Variants in NRP1 observed in about 807,000 individuals in gnomAD.
NRP1 encodes the protein neuropilin 1, also known as neuropilin-1.
A neutral mutation model predicts 106.7 loss-of-function variants in NRP1; 35 were observed. That is an observed-to-expected ratio of 0.33 (90% CI 0.25 to 0.43). The LOEUF is 0.43. Among genes scored for constraint, NRP1 ranks in the 20% least tolerant of loss-of-function variants. NRP1 has a pLI of 1.00. For synonymous variants in NRP1, 437 were observed against 417.9 expected (o/e 1.05, Z -0.56); for missense variants, 1,024 against 1,170.4 (o/e 0.87, Z 1.83).
chr10:33,197,453 T>C (rs1836865172), intron 12 of NRP1, among the ~76,000 whole-genome samples, 197 bp downstream of exon 12: 1 of 152,212 alleles, frequency 6.6e-6, no homozygotes, highest in African/African-American at 2.4e-5. Context: ...CAATTACTGA[T>C]GGAGAAGGAA....
intron 2 of NRP1, among the ~76,000 whole-genome samples, chr10:33,320,594 C>G (rs776930789): frequency 4.6e-5 from 7 of 152,316 alleles, no homozygotes; most frequent in Middle Eastern, 3.4e-3. Context: ...CCCTTTCACT[C>G]TCTCTTTGCT....
At position 33,202,800 on chromosome 10, in the gene NRP1, G is replaced by C. The variant is rs372425396; in HGVS notation, c.1864+91C>G. On this transcript the variant is annotated intron_variant, in intron 11 of 16. Transcript: ENST00000374867. ...ATTCCTGGGCAGCTCTCTGCCATGC[G>C]GAGTTACAAGCACACACACAGGCGT... is the stretch of plus-strand genomic sequence containing the variant. 14 of 1,610,714 alleles carry C rather than the reference G, an allele frequency of 8.7e-6. No homozygotes were observed. In the East Asian group the frequency reaches 2.9e-4, roughly 33 times the overall value.
intron 15 of NRP1, 146 bp downstream of exon 15, chr10:33,185,482 T>C: frequency 1.6e-6 from 1 of 615,532 alleles, no homozygotes; most frequent in Admixed American, 2.9e-5. Context: ...GTATGCCCTG[T>C]TGCACCAGAA....
At chr10:33,313,794 C>CATGGT (rs1286593165) in intron 2 of NRP1, among the ~76,000 whole-genome samples, 1 of 152,138 alleles carries the variant, frequency 6.6e-6, no homozygotes, top group East Asian at 1.9e-4. Context: ...GAGCTACGGA[C>CATGGT]ATGGTCCACA....
intron 6 of NRP1, among the ~76,000 whole-genome samples, chr10:33,253,701 T>G (rs921309013): frequency 6.6e-6 from 1 of 152,126 alleles, no homozygotes; most frequent in Non-Finnish European, 1.5e-5. Context: ...TTGGGAAAAA[T>G]CAGATCTTGG....
chr10:33,207,095 C>T (rs1837846752), intron 10 of NRP1, among the ~76,000 whole-genome samples: 4 of 152,264 alleles, frequency 2.6e-5, no homozygotes, highest in Admixed American at 2.0e-4. Flanking sequence ...AGACACAGAC[C>T]TCTAAATAAT....
At position 33,270,658 on chromosome 10, in the gene NRP1, G is replaced by T; in HGVS notation, c.430+17C>A. 6.3e-7 allele frequency: 1 copy of T among 1,599,956 alleles called. No individual in the cohort carries two copies. Among genetic ancestry groups the T allele is most frequent in the Non-Finnish European group, 8.5e-7 (1 of 1,172,524 alleles). On this transcript the variant is annotated intron_variant, in intron 3 of 16. Transcript: ENST00000374867. ...AACTCTTAGTCATTCTTGTTCTACC[G>T]TAAGCTGTTCACTCACCTCTCTTGA...
chr10:33,256,016 G>A (rs1248582202), intron 5 of NRP1, among the ~76,000 whole-genome samples: 1 of 152,232 alleles, frequency 6.6e-6, no homozygotes, highest in East Asian at 1.9e-4. Context: ...GCATTTGAGG[G>A]TGCCAGGTAG....
At chr10:33,193,560 TG>T (rs1051077470) in intron 12 of NRP1, among the ~76,000 whole-genome samples, 1 of 152,124 alleles carries the variant, frequency 6.6e-6, no homozygotes, top group African/African-American at 2.4e-5. Flanking sequence ...GGAAGGCGCC[TG>T]GGGCATCTGG....
intron 3 of NRP1, among the ~76,000 whole-genome samples, chr10:33,268,933 G>A (rs1443425911): frequency 6.6e-6 from 1 of 152,178 alleles, no homozygotes; most frequent in African/African-American, 2.4e-5. Flanking sequence ...TTTATGTGGT[G>A]TCAGAGCCAA....
At chr10:33,311,843 A>T (rs1051217310) in intron 2 of NRP1, among the ~76,000 whole-genome samples, 1 of 152,170 alleles carries the variant, frequency 6.6e-6, no homozygotes, top group Non-Finnish European at 1.5e-5. Context: ...TATAAACCAA[A>T]CCCTAAAACA....
At chr10:33,208,971 A>G (rs1838054162) in intron 9 of NRP1, among the ~76,000 whole-genome samples, 1 of 127,852 alleles carries the variant, frequency 7.8e-6, no homozygotes, top group South Asian at 2.6e-4. Context: ...CAGTGGCATG[A>G]TCTTGACTCA....
chr10:33,314,909 T>G (rs1846906474), intron 2 of NRP1, among the ~76,000 whole-genome samples: 1 of 152,218 alleles, frequency 6.6e-6, no homozygotes, highest in Non-Finnish European at 1.5e-5. Flanking sequence ...TGCTGTGAAG[T>G]TAACATGTGC....
At chr10:33,289,492 A>T (rs1844830396) in intron 2 of NRP1, among the ~76,000 whole-genome samples, 1 of 152,194 alleles carries the variant, frequency 6.6e-6, no homozygotes, top group African/African-American at 2.4e-5. Context: ...GTTTAGAGAA[A>T]TAAAATGTTT....
chr10:33,221,974 C>A (rs1180213089), intron 7 of NRP1, 111 bp from the exon 8 acceptor site: 4 of 1,209,124 alleles, frequency 3.3e-6, no homozygotes, highest in Non-Finnish European at 3.6e-6. Flanking sequence ...TGTTGTCGAT[C>A]AAGGATGAGA....
intron 6 of NRP1, among the ~76,000 whole-genome samples, chr10:33,244,681 T>C (rs1024876883): frequency 1.3e-5 from 2 of 152,182 alleles, no homozygotes; most frequent in African/African-American, 4.8e-5. Flanking sequence ...AGATAAGTTA[T>C]TAACCAATAG....
At chr10:33,239,658 T>G (rs1320094434) in intron 6 of NRP1, among the ~76,000 whole-genome samples, 1 of 152,220 alleles carries the variant, frequency 6.6e-6, no homozygotes, top group Non-Finnish European at 1.5e-5. Context: ...AAGTATTCCT[T>G]TTTATTTATT....
At chr10:33,246,895 G>C (rs1454915566) in intron 6 of NRP1, among the ~76,000 whole-genome samples, 2 of 152,138 alleles carry the variant, frequency 1.3e-5, no homozygotes, top group Admixed American at 6.5e-5. Context: ...CAATTTAGCA[G>C]ATGGAACCAA....
intron 2 of NRP1, among the ~76,000 whole-genome samples, chr10:33,280,998 G>GA (rs1335233953): frequency 1.3e-5 from 2 of 149,320 alleles, no homozygotes; most frequent in East Asian, 4.0e-4. Context: ...GACAAGAAAA[G>GA]AAAAAGAAAT....
Sources: allele counts gnomAD v4.1 joint callset (sites outside exome capture counted in the v4.1 genomes callset), GRCh38; gene constraint gnomAD v4.1.1; transcripts MANE v1.5; gene names NCBI Gene and HGNC (gene_info 2026-07-23, HGNC 2026-07-21).